NLRP6: variants seen among roughly 807,000 people sequenced by gnomAD.
The protein encoded by NLRP6 is NACHT, LRR and PYD domains-containing protein 6.
In NLRP6, 55 loss-of-function variants were observed where a neutral mutation model predicts 70.9. The observed-to-expected ratio is 0.78, with a 90% CI of 0.62 to 0.97. The LOEUF is 0.97. NLRP6 is among the 50% of genes least tolerant of loss of function. NLRP6 has a pLI of 0.00. For synonymous variants in NLRP6, 652 were observed against 581.9 expected, an observed-to-expected ratio of 1.12 and a Z score of -1.73; for missense variants, 1,241 against 1,238.3, an observed-to-expected ratio of 1.00 and a Z score of -0.03.
rs763915009 is a variant in NLRP6 at position 279,442 on chromosome 11, C to A, written c.145C>A (p.Arg49Ser). The change falls in exon 2 of 8, where the codon CGC becomes AGC. Residue 49 changes from arginine (R) to serine (S), a missense_variant. Physicochemically the swap from Arg to Ser is moderately radical, Grantham distance 110. Coordinates refer to ENST00000534750, the MANE Select transcript of NLRP6 (RefSeq NM_001276700.2). ...GCTGCGCGACGTGGGCCCGGACGGA[C>A]GCAGCATCCCGTGGGGGCGGCTGGA... ...HKLRDVGPDGRSIPWGRLERA... is the reference protein window; with the variant it reads ...HKLRDVGPDGSSIPWGRLERA... 1 of 1,393,370 alleles carries A rather than the reference C, an allele frequency of 7.2e-7. No individual in the cohort carries two copies. Among genetic ancestry groups the A allele is most frequent in the Non-Finnish European group, 9.3e-7 (1 of 1,076,458 alleles). The allele number at this position is 1,393,370 out of a possible 1,614,324, so 86.3% of individuals were successfully genotyped here.
chr11:279,079 C>T, intron 1 of NLRP6: 1 of 381,384 alleles, frequency 2.6e-6, no homozygotes, highest in Non-Finnish European at 4.6e-6. Context: ...TCAGCGGCGG[C>T]CAGTGCCCAC....
Position 284,352 on chromosome 11 carries a change from T to TGCTGAGTGA in NLRP6, c.2323_2331dup (p.Leu775_Glu777dup). Reference sequence around the variant, plus strand: ...AGGCTCAGTGAGGCGGGACTGCGTATGCTGAGTGAGGGCCTAGCCTGGCCG... The same window carrying TGCTGAGTGA: ...AGGCTCAGTGAGGCGGGACTGCGTATGCTGAGTGAGCTGAGTGAGGGCCTAGCCTGGCCG... On this transcript the variant is annotated inframe_insertion, in exon 6 of 8. Transcript: ENST00000534750. The TGCTGAGTGA allele has an allele frequency of 6.2e-7, 1 of 1,609,086 alleles. No individual in the cohort carries two copies. Among genetic ancestry groups the TGCTGAGTGA allele is most frequent in the Non-Finnish European group, 8.5e-7 (1 of 1,177,950 alleles).
Position 280,918 on chromosome 11 carries a change from G to T in NLRP6, c.1184G>T (p.Cys395Phe). Residue 395 changes from cysteine to phenylalanine, a missense_variant, in exon 4 of 8, where the codon TGC becomes TTC. Transcript: ENST00000534750. ...CFVPFVCWIVCTVLRQQLELG... is the reference protein window; with the variant it reads ...CFVPFVCWIVFTVLRQQLELG... ...GTGCCCTTCGTGTGCTGGATCGTGT[G>T]CACCGTGCTGCGCCAGCAGCTGGAG... is the stretch of plus-strand genomic sequence containing the variant. 1 of 1,613,284 alleles carries T rather than the reference G, an allele frequency of 6.2e-7. No homozygotes were observed. Among genetic ancestry groups the T allele is most frequent in the Non-Finnish European group, 8.5e-7 (1 of 1,179,936 alleles).
At position 278,955 on chromosome 11, in the gene NLRP6, A is replaced by C; in HGVS notation, c.29+357A>C. 2.9e-6 allele frequency: 1 copy of C among 347,768 alleles called. No homozygotes were observed. Among genetic ancestry groups the C allele is most frequent in the Non-Finnish European group, 5.2e-6 (1 of 193,086 alleles). The allele number at this position is 347,768 out of a possible 1,614,324, so 21.5% of individuals were successfully genotyped here. ...GAAAAGAAGGAAAGCGAGGAAAGAG[A>C]GCTCAGGGTTCCTTGGAAATACCTC... On this transcript the variant is annotated intron_variant, in intron 1 of 7. Transcript: ENST00000534750. This position sits in a 1 kb window ranked among gnomAD's most constrained non-coding sequence, Gnocchi z 4.7.
Position 280,952 on chromosome 11 carries a change from G to A in NLRP6, c.1218G>A (p.Arg406=). 4 of 1,613,258 alleles carry A rather than the reference G, an allele frequency of 2.5e-6. No homozygotes were observed. The highest frequency in any genetic ancestry group is 3.4e-6 in the Non-Finnish European group (4 of 1,179,974). Residue 406 remains arginine (R), a synonymous_variant, in exon 4 of 8, where the codon CGG becomes CGA. Coordinates refer to ENST00000534750, the MANE Select transcript of NLRP6 (RefSeq NM_001276700.2). ...TVLRQQLELG[R]DLSRTSKTTT... ...TGCGCCAGCAGCTGGAGCTCGGTCG[G>A]GACCTGTCGCGCACGTCCAAGACCA... is the stretch of plus-strand genomic sequence containing the variant.
chr11:284,054 C>T (rs547404964), intron 5 of NLRP6, among the ~76,000 whole-genome samples, 176 bp from the exon 6 acceptor site: 21 of 152,204 alleles, frequency 1.4e-4, no homozygotes, highest in East Asian at 1.9e-4. Context: ...CACAGCTCCC[C>T]GGGGGTGCAT....
intron 1 of NLRP6, chr11:279,072 G>C (rs576687196): frequency 4.2e-5 from 16 of 378,512 alleles, no homozygotes; most frequent in Non-Finnish European, 5.6e-5. Flanking sequence ...GCTCAGATCA[G>C]CGGCGGCCAG....
At chr11:285,066 C>T (rs569869053) in intron 7 of NLRP6, 100 bp from the exon 8 acceptor site, 8 of 1,061,858 alleles carry the variant, frequency 7.5e-6, no homozygotes, top group Middle Eastern at 2.8e-4. Flanking sequence ...CGGCACTGCC[C>T]GTCACTGCCC....
chr11:284,362 G>A lies in NLRP6; in HGVS notation c.2331G>A (p.Glu777=), dbSNP rs1590272842. ...LSEAGLRMLS[E]GLAWPQCRVQ... ...AGGCGGGACTGCGTATGCTGAGTGAGGGCCTAGCCTGGCCGCAGTGCAGGG... is the reference window on the plus strand; with the variant it reads ...AGGCGGGACTGCGTATGCTGAGTGAAGGCCTAGCCTGGCCGCAGTGCAGGG... Residue 777 remains glutamate (E), a synonymous_variant, in exon 6 of 8, where the codon GAG becomes GAA. Coordinates refer to ENST00000534750, the MANE Select transcript of NLRP6 (RefSeq NM_001276700.2). 6.2e-7 allele frequency: 1 copy of A among 1,604,538 alleles called. No individual in the cohort carries two copies. The highest frequency in any genetic ancestry group is 2.2e-5 in the East Asian group (1 of 44,672).
Position 284,330 on chromosome 11 carries a change from C to T in NLRP6, c.2299C>T (p.Leu767Phe), listed in dbSNP as rs1346096698. Residue 767 changes from leucine (L) to phenylalanine (F), a missense_variant, in exon 6 of 8, where the codon CTC (leucine) becomes TTC (phenylalanine). Leu to Phe is a conservative substitution (Grantham distance 22). Coordinates refer to ENST00000534750, the MANE Select transcript of NLRP6 (RefSeq NM_001276700.2). The part of the protein sequence containing the change: ...LTELGLLHNR[L>F]SEAGLRMLSE... ...GGAGCTGGGCCTCCTCCACAACAGG[C>T]TCAGTGAGGCGGGACTGCGTATGCT... 2.5e-6 allele frequency: 4 copies of T among 1,612,034 alleles called. No homozygotes were observed. Among genetic ancestry groups the T allele is most frequent in the Non-Finnish European group, 3.4e-6 (4 of 1,179,716 alleles).
At chr11:282,899 G>C (rs1210595201) in intron 5 of NLRP6, 102 bp downstream of exon 5, 1 of 855,794 alleles carries the variant, frequency 1.2e-6, no homozygotes, top group Non-Finnish European at 2.0e-6. Flanking sequence ...TGAGGGGTCA[G>C]ACCAGAGCCT....
chr11:282,742 C>A lies in NLRP6; in HGVS notation c.2143C>A (p.Leu715Ile). Residue 715 changes from leucine (L) to isoleucine (I), a missense_variant, in exon 5 of 8, where the codon CTT becomes ATT. Transcript: ENST00000534750. ...GTTKQLPASLLHPLFQAMTDP... is the reference protein window; with the variant it reads ...GTTKQLPASLIHPLFQAMTDP... ...CACAAAACAACTGCCAGCCTCCCTT[C>A]TTCATCCACTCTTTCAGGCAATGAC... 6.2e-7 allele frequency: 1 copy of A among 1,614,162 alleles called. No homozygotes were observed. The highest frequency in any genetic ancestry group is 8.5e-7 in the Non-Finnish European group (1 of 1,179,984).
chr11:284,771 A>G, intron 7 of NLRP6, 129 bp downstream of exon 7: 1 of 885,988 alleles, frequency 1.1e-6, no homozygotes, highest in Non-Finnish European at 1.7e-6. Flanking sequence ...GACTGAGCTC[A>G]AACACTGACC....
chr11:279,594 G>C lies in NLRP6; in HGVS notation c.297G>C (p.Glu99Asp). 7.1e-7 allele frequency: 1 copy of C among 1,405,068 alleles called. No individual in the cohort carries two copies. The highest frequency in any genetic ancestry group is 9.2e-7 in the Non-Finnish European group (1 of 1,083,822). 87.0% of individuals were successfully genotyped at this position (1,405,068 alleles called of 1,614,324 possible). ...GCGACGTGGCGGCGCAGCTCCAGGA[G>C]CGGCGGCTGCAGCGTGAGTTCTGCG... Reference protein sequence around the residue: ...DARDVAAQLQERRLQRLGLGS... With the variant: ...DARDVAAQLQDRRLQRLGLGS... The change falls in exon 2 of 8, where the codon GAG (glutamate) becomes GAC (aspartate). Residue 99 changes from glutamate to aspartate, a missense_variant. By Grantham distance (45) the Glu-to-Asp change is conservative (BLOSUM62 2). Coordinates refer to ENST00000534750, the MANE Select transcript of NLRP6 (RefSeq NM_001276700.2).
chr11:281,736 G>A lies in NLRP6; in HGVS notation c.2002G>A (p.Ala668Thr). The part of the protein sequence containing the change: ...VLSYCVRCCP[A>T]GQALRLISCR... ...GAGCTACTGCGTGAGGTGCTGCCCT[G>A]CTGGACAGGCACTGCGGCTGATCAG... is the stretch of plus-strand genomic sequence containing the variant. The change falls in exon 4 of 8, where the codon GCT (alanine) becomes ACT (threonine). Residue 668 changes from alanine to threonine, a missense_variant. Coordinates refer to ENST00000534750, the MANE Select transcript of NLRP6 (RefSeq NM_001276700.2). 1 of 1,612,904 alleles carries A rather than the reference G, an allele frequency of 6.2e-7. No individual in the cohort carries two copies. Among genetic ancestry groups the A allele is most frequent in the Non-Finnish European group, 8.5e-7 (1 of 1,179,956 alleles).
rs772212330 is a variant in NLRP6, at chr11:281,465, G to A, written c.1731G>A (p.Arg577=). Residue 577 remains arginine (R), a synonymous_variant, in exon 4 of 8, where the codon CGG becomes CGA. Coordinates refer to ENST00000534750, the MANE Select transcript of NLRP6 (RefSeq NM_001276700.2). The part of the protein sequence containing the change: ...VSERVKQEAL[R]WVQGQGQGCP... Reference sequence around the variant, plus strand: ...AGCGTGTGAAGCAGGAGGCCCTGCGGTGGGTGCAGGGACAGGGACAGGGCT... The same window carrying A: ...AGCGTGTGAAGCAGGAGGCCCTGCGATGGGTGCAGGGACAGGGACAGGGCT... 1.3e-6 allele frequency: 2 copies of A among 1,598,166 alleles called. No homozygotes were observed. The highest frequency in any genetic ancestry group is 1.1e-5 in the South Asian group (1 of 88,884).
rs199475812 is a variant in NLRP6, at chr11:282,019, A to C, written c.2105+180A>C. Among the ~76,000 whole-genome samples, 4 of 152,076 alleles carry C rather than the reference A, an allele frequency of 2.6e-5. No homozygotes were observed. Among genetic ancestry groups the C allele is most frequent in the Non-Finnish European group, 1.5e-5 (1 of 67,964 alleles). On this transcript the variant is annotated intron_variant, in intron 4 of 7. Coordinates refer to ENST00000534750, the MANE Select transcript of NLRP6 (RefSeq NM_001276700.2). ...CCACTGAATTCCTATCTTCTTCCCC[A>C]GGGTGTCCTCACCATGCCCACCGTC...
At chr11:283,735 T>C (rs1014972167) in intron 5 of NLRP6, among the ~76,000 whole-genome samples, 1 of 152,114 alleles carries the variant, frequency 6.6e-6, no homozygotes, top group Admixed American at 6.6e-5. Context: ...CCTACGTTGA[T>C]GGCAACTCGG....
Position 281,599 on chromosome 11 carries a change from T to C in NLRP6, c.1865T>C (p.Leu622Pro), listed in dbSNP as rs1157744774. 9 of 1,611,606 alleles carry C rather than the reference T, an allele frequency of 5.6e-6. No individual in the cohort carries two copies. In the South Asian group the frequency reaches 9.9e-5, roughly 18 times the overall value. The change falls in exon 4 of 8, where the codon CTG becomes CCG. Residue 622 changes from leucine to proline, a missense_variant. Transcript: ENST00000534750. ...GAGCCCAACTACCCACTGGAGTTGC[T>C]GTACTGCCTGTACGAGACGCAGGAG... ...GEEPNYPLEL[L>P]YCLYETQEDA...
Sources: gnomAD v4.1 joint callset for allele counts (sites outside exome capture counted in the v4.1 genomes callset) on GRCh38, gnomAD v4.1.1 for gene constraint, Gnocchi (gnomAD v3.1) non-coding constraint, MANE v1.5 for transcripts, NCBI Gene and HGNC (gene_info 2026-07-23, HGNC 2026-07-21) for gene names.